Variants in SGSH observed in about 807,000 individuals in gnomAD.
SGSH encodes the protein N-sulfoglucosamine sulfohydrolase, also known as heparan sulfate sulfatase.
A neutral mutation model predicts 51.0 loss-of-function variants in SGSH; 48 were observed. The ratio of observed to expected loss-of-function variants is 0.94; its 90% confidence interval spans 0.75 to 1.20. SGSH has a LOEUF of 1.20. SGSH is among the 50% of genes most tolerant of loss of function. The pLI is 0.00. For synonymous variants in SGSH, 321 were observed against 313.4 expected, an observed-to-expected ratio of 1.02 and a Z score of -0.26; for missense variants, 662 against 717.8, an observed-to-expected ratio of 0.92 and a Z score of 0.89.
At chr17:80,217,267 G>A (rs911095058) in intron 1 of SGSH, 75 bp from the exon 2 acceptor site, 3 of 1,527,922 alleles carry the variant, frequency 2.0e-6, no homozygotes, top group Non-Finnish European at 1.8e-6. Context: ...GAGGGAGGCT[G>A]GGACTGTGAT....
chr17:80,219,161 C>CAAAA (rs11430982), intron 1 of SGSH, among the ~76,000 whole-genome samples: 75 of 53,958 alleles, frequency 1.4e-3, no homozygotes, highest in Middle Eastern at 0.016. Flanking sequence ...CCCTGTCTCA[C>CAAAA]AAAAAAAAAA....
Position 80,213,662 on chromosome 17 carries a change from A to G in SGSH, c.745+142T>C, listed in dbSNP as rs2041761830. 2 of 776,064 alleles carry G rather than the reference A, an allele frequency of 2.6e-6. No individual in the cohort carries two copies. Among genetic ancestry groups the G allele is most frequent in the East Asian group, 5.4e-5 (2 of 37,128 alleles). The allele number at this position is 776,064 out of a possible 1,614,324, so 48.1% of individuals were successfully genotyped here. A position where few individuals can be genotyped will look rare whatever the true frequency, so the allele number is the denominator to read the frequency against. On this transcript the variant is annotated intron_variant, in intron 6 of 7. Transcript: ENST00000326317. The surrounding 1 kb of genome is among the most constrained non-coding windows in gnomAD (Gnocchi z 4.6). ...TGCCACCCACAGGCCCCTCCTCTCA[A>G]TGTGGGCTCTGCCAGCTGCAGCACA...
At chr17:80,216,826 C>A in intron 2 of SGSH, 1 of 596,818 alleles carries the variant, frequency 1.7e-6, no homozygotes. Context: ...CAAGGCCACA[C>A]ACAGCAGTGC....
chr17:80,212,341 T>C lies in SGSH; in HGVS notation c.746-67A>G. On this transcript the variant is annotated intron_variant, in intron 6 of 7. Coordinates refer to ENST00000326317, the MANE Select transcript of SGSH (RefSeq NM_000199.5). The surrounding 1 kb of genome is among the most constrained non-coding windows in gnomAD (Gnocchi z 5.9). ...GGAGGGAGGCAGCGGGTGGTGTGTG[T>C]AGACCCACCTGCTGCTGCATCCGGC... 1 of 1,343,512 alleles carries C rather than the reference T, an allele frequency of 7.4e-7. No homozygotes were observed. Among genetic ancestry groups the C allele is most frequent in the East Asian group, 2.5e-5 (1 of 40,188 alleles). The allele number at this position is 1,343,512 out of a possible 1,614,324, so 83.2% of individuals were successfully genotyped here. A position where few individuals can be genotyped will look rare whatever the true frequency, so the allele number is the denominator to read the frequency against.
downstream of SGSH, chr17:80,202,153 T>C (rs771200558): frequency 1.3e-6 from 2 of 1,587,460 alleles, no homozygotes; most frequent in Non-Finnish European, 1.7e-6. Context: ...CTGTGGCTCA[T>C]CTGTGGCTCA....
chr17:80,214,719 A>G lies in SGSH; in HGVS notation c.402T>C (p.Phe134=). ...CATTCTCCTCCGTGTACGCAAAGTC[A>G]AACGGGTACACGGTCTCCGGCCCCA... ...KHVGPETVYP[F]DFAYTEENGS... is the part of the protein sequence containing the mutation. Residue 134 remains phenylalanine (F), a synonymous_variant, in exon 4 of 8, where the codon TTT becomes TTC. Coordinates refer to ENST00000326317, the MANE Select transcript of SGSH (RefSeq NM_000199.5). 1 of 1,613,144 alleles carries G rather than the reference A, an allele frequency of 6.2e-7. No homozygotes were observed. The highest frequency in any genetic ancestry group is 8.5e-7 in the Non-Finnish European group (1 of 1,179,978).
chr17:80,217,323 G>T, intron 1 of SGSH, 131 bp from the exon 2 acceptor site: 2 of 1,034,256 alleles, frequency 1.9e-6, no homozygotes, highest in Non-Finnish European at 2.9e-6. Context: ...GGCTCAGTGT[G>T]AACACTCAGC....
Position 80,210,525 on chromosome 17 carries a change from C to G in SGSH, c.1436G>C (p.Trp479Ser), listed in dbSNP as rs1186122693. The change falls in exon 8 of 8, where the codon TGG becomes TCG. Residue 479 changes from tryptophan to serine, a missense_variant. Trp to Ser is a radical substitution (Grantham distance 177, BLOSUM62 -3). Coordinates refer to ENST00000326317, the MANE Select transcript of SGSH (RefSeq NM_000199.5). ...AKWQWETHDP[W>S]VCAPDGVLEE... is the part of the protein sequence containing the mutation. Reference sequence around the variant, plus strand: ...CAGGACGCCGTCGGGGGCGCACACCCAGGGGTCGTGGGTCTCCCACTGCCA... The same window carrying G: ...CAGGACGCCGTCGGGGGCGCACACCGAGGGGTCGTGGGTCTCCCACTGCCA... The G allele has an allele frequency of 1.2e-6, 2 of 1,611,006 alleles. No homozygotes were observed. The highest frequency in any genetic ancestry group is 1.7e-6 in the Non-Finnish European group (2 of 1,179,724).
At chr17:80,202,416 T>G (rs1212920496), downstream of SGSH, 1 of 1,608,988 alleles carries the variant, frequency 6.2e-7, no homozygotes, top group Non-Finnish European at 8.5e-7. Flanking sequence ...CCCCAACTAC[T>G]CCAGGTGAGC....
At chr17:80,220,009 T>C (rs1202064318) in intron 1 of SGSH, 1 of 479,336 alleles carries the variant, frequency 2.1e-6, no homozygotes, top group Non-Finnish European at 3.7e-6. Flanking sequence ...GGGTGCTGGA[T>C]GCTGGGGCTC....
chr17:80,210,451 G>A lies in SGSH; in HGVS notation c.*1C>T, dbSNP rs1160560261. ...ATGTGTGCACAGGCCTCCTGGGATG[G>A]TCACAGCTCATTGTGGAGGGGCTGG... On this transcript the variant is annotated 3_prime_UTR_variant, in exon 8 of 8. Transcript: ENST00000326317. 5 of 1,592,274 alleles carry A rather than the reference G, an allele frequency of 3.1e-6. No homozygotes were observed. The South Asian group carries it at 5.5e-5, about 18-fold the overall frequency.
At position 80,210,906 on chromosome 17, in the gene SGSH, A is replaced by G; in HGVS notation, c.1055T>C (p.Leu352Pro). 6.2e-7 allele frequency: 1 copy of G among 1,611,072 alleles called. No individual in the cohort carries two copies. The highest frequency in any genetic ancestry group is 8.5e-7 in the Non-Finnish European group (1 of 1,179,958). Reference sequence around the variant, plus strand: ...GGTGGCCCAGAGGGGCTCGGCCTCCAGCGCCGGCAGGAGGGACCGGCCAGT... The same window carrying G: ...GGTGGCCCAGAGGGGCTCGGCCTCCGGCGCCGGCAGGAGGGACCGGCCAGT... ...HLTGRSLLPA[L>P]EAEPLWATVF... The change falls in exon 8 of 8, where the codon CTG becomes CCG. Residue 352 changes from leucine (L) to proline (P), a missense_variant. Coordinates refer to ENST00000326317, the MANE Select transcript of SGSH (RefSeq NM_000199.5).
downstream of SGSH, chr17:80,205,282 CCCTT>C: frequency 2.3e-6 from 3 of 1,311,054 alleles, no homozygotes; most frequent in Non-Finnish European, 3.2e-6. Flanking sequence ...CTCCTTCCTC[CCCTT>C]CCTCCCTCCT....
chr17:80,217,757 T>C (rs1226355627), intron 1 of SGSH, among the ~76,000 whole-genome samples: 1 of 148,674 alleles, frequency 6.7e-6, no homozygotes, highest in Non-Finnish European at 1.5e-5. Flanking sequence ...GCAGGTAGAC[T>C]GGTATCCAGC....
downstream of SGSH, chr17:80,208,027 G>A (rs540795217): frequency 1.7e-5 from 13 of 758,564 alleles, no homozygotes; most frequent in East Asian, 1.1e-4. Context: ...CCCTCAAAGC[G>A]AGGCCACCTG....
At chr17:80,204,278 G>A (rs141913003), downstream of SGSH, 596 of 1,601,484 alleles carry the variant, frequency 3.7e-4, 2 homozygotes, top group African/African-American at 6.6e-3. Context: ...TATGGACAAA[G>A]CCAAGGCCAG....
In SGSH at chr17:80,212,207, C is replaced by T. The variant is rs779676466; in HGVS notation, c.813G>A (p.Thr271=). The T allele has an allele frequency of 1.2e-5, 20 of 1,613,256 alleles. No homozygotes were observed. Among genetic ancestry groups the T allele is most frequent in the East Asian group, 8.9e-5 (4 of 44,892 alleles). ...GVLNDTLVIF[T]SDNGIPFPSG... is the part of the protein sequence containing the mutation. ...TGGGGAAGGGGATCCCGTTGTCGGACGTGAAGATCACCAGTGTGTCGTTCA... is the reference window on the plus strand; with the variant it reads ...TGGGGAAGGGGATCCCGTTGTCGGATGTGAAGATCACCAGTGTGTCGTTCA... The change falls in exon 7 of 8, where the codon ACG becomes ACA. Residue 271 remains threonine (T), a synonymous_variant. Transcript: ENST00000326317. The surrounding 1 kb of genome is among the most constrained non-coding windows in gnomAD (Gnocchi z 5.9).
intron 1 of SGSH, 103 bp downstream of exon 1, chr17:80,220,123 C>A: frequency 1.3e-6 from 1 of 762,550 alleles, no homozygotes; most frequent in Non-Finnish European, 2.0e-6. Context: ...GATACAAGGG[C>A]AGGGCACACT....
chr17:80,211,747 T>G, intron 7 of SGSH: 2 of 412,044 alleles, frequency 4.9e-6, no homozygotes, highest in Non-Finnish European at 9.2e-6. Flanking sequence ...CACCCTGGGA[T>G]TTGCAATTTG....
Sources: allele counts gnomAD v4.1 joint callset (sites outside exome capture counted in the v4.1 genomes callset), GRCh38; gene constraint gnomAD v4.1.1; non-coding constraint Gnocchi (gnomAD v3.1); transcripts MANE v1.5; gene names NCBI Gene and HGNC (gene_info 2026-07-23, HGNC 2026-07-21).